Variants in MINDY2 observed in about 807,000 individuals in gnomAD.
The protein encoded by MINDY2 is MINDY lysine 48 deubiquitinase 2, also known as ubiquitin carboxyl-terminal hydrolase MINDY-2.
MINDY2 carries 52 observed loss-of-function variants against 68.2 expected under a neutral mutation model. The observed-to-expected ratio is 0.76, with a 90% CI of 0.61 to 0.96. MINDY2 has a LOEUF of 0.96. Ranked by LOEUF, MINDY2 falls within the 40% of genes least tolerant of loss-of-function variation. The probability of loss-of-function intolerance (pLI) is 0.00; values close to 1 mark genes in which losing one functional copy is unlikely to be tolerated. For missense variants in MINDY2, 881 were observed against 773.4 expected (o/e 1.14, Z -1.65); for synonymous variants, 372 against 303.0 (o/e 1.23, Z -2.36).
chr15:58,856,571 A>G lies in MINDY2; in HGVS notation c.*1961A>G, dbSNP rs2033067816. The G allele has an allele frequency of 6.6e-6, 1 of 152,256 alleles. No individual in the cohort carries two copies. Among genetic ancestry groups the G allele is most frequent in the South Asian group, 2.1e-4 (1 of 4,838 alleles). 9.4% of individuals were successfully genotyped at this position (152,256 alleles called of 1,614,324 possible). A position where few individuals can be genotyped will look rare whatever the true frequency, so the allele number is the denominator to read the frequency against. ...ATAAAACTCTGATAGAAAATATTTA[A>G]TGAGTATCTTGATTATAACCTAGAA... On this transcript the variant is annotated 3_prime_UTR_variant, in exon 9 of 9. Transcript: ENST00000559228.
At chr15:58,783,544 A>G (rs1239519060) in intron 1 of MINDY2, among the ~76,000 whole-genome samples, 2 of 152,150 alleles carry the variant, frequency 1.3e-5, no homozygotes, top group Non-Finnish European at 1.5e-5. Flanking sequence ...CCTGTTTAAG[A>G]TTTCACTTAC....
Position 58,857,558 on chromosome 15 carries a change from A to C in MINDY2, c.*2948A>C, listed in dbSNP as rs62004764. ...CAAAAAAAAAAAAAAAAAAAAAATT[A>C]GAGCTATTGTGTCTTTATTTTCTTA... On this transcript the variant is annotated 3_prime_UTR_variant, in exon 9 of 9. Transcript: ENST00000559228. The C allele has an allele frequency of 3.4e-5, 5 of 146,660 alleles. No homozygotes were observed. Among genetic ancestry groups the C allele is most frequent in the African/African-American group, 1.2e-4 (5 of 40,122 alleles). The allele number at this position is 146,660 out of a possible 1,614,324, so 9.1% of individuals were successfully genotyped here. A position where few individuals can be genotyped will look rare whatever the true frequency, so the allele number is the denominator to read the frequency against.
intron 7 of MINDY2, among the ~76,000 whole-genome samples, chr15:58,849,995 C>G (rs975316146): frequency 1.3e-5 from 2 of 152,184 alleles, no homozygotes; most frequent in African/African-American, 2.4e-5. Context: ...CCTTGGCCCC[C>G]TAAAGTGCTG....
intron 5 of MINDY2, among the ~76,000 whole-genome samples, chr15:58,826,378 C>T (rs976142591): frequency 9.9e-5 from 15 of 151,942 alleles, no homozygotes; most frequent in East Asian, 5.8e-4. Flanking sequence ...CACAGGCATG[C>T]GCCACCACAC....
At chr15:58,836,143 C>A (rs2141030240) in intron 6 of MINDY2, among the ~76,000 whole-genome samples, 1 of 152,222 alleles carries the variant, frequency 6.6e-6, no homozygotes, top group East Asian at 1.9e-4. Context: ...ATCTCCTGAT[C>A]TCGTGATCTG....
At chr15:58,849,753 A>G (rs1026179529) in intron 7 of MINDY2, among the ~76,000 whole-genome samples, 3 of 151,958 alleles carry the variant, frequency 2.0e-5, no homozygotes, top group Admixed American at 6.6e-5. Context: ...AACCTTTTTT[A>G]TTTTTTGAGA....
At chr15:58,845,305 C>G (rs534802656) in intron 6 of MINDY2, among the ~76,000 whole-genome samples, 3 of 152,176 alleles carry the variant, frequency 2.0e-5, no homozygotes, top group Non-Finnish European at 4.4e-5. Flanking sequence ...ACTCAGGAGC[C>G]TGAGACAGGA....
chr15:58,827,110 A>G (rs2031447036), intron 5 of MINDY2, among the ~76,000 whole-genome samples: 1 of 152,234 alleles, frequency 6.6e-6, no homozygotes, highest in Admixed American at 6.5e-5. Flanking sequence ...TTCCCAGTGC[A>G]TCAAATCGGG....
chr15:58,809,937 G>C (rs2140973277), intron 3 of MINDY2, among the ~76,000 whole-genome samples: 1 of 152,150 alleles, frequency 6.6e-6, no homozygotes, highest in East Asian at 1.9e-4. Context: ...ATGCCACCAT[G>C]CCCAGCTAAT....
intron 1 of MINDY2, among the ~76,000 whole-genome samples, chr15:58,787,496 G>A (rs946797990): frequency 1.3e-5 from 2 of 151,888 alleles, no homozygotes; most frequent in Non-Finnish European, 1.5e-5. Flanking sequence ...CCAGCACTTT[G>A]GGAGGCCGAG....
chr15:58,808,029 C>T (rs2029933927), intron 3 of MINDY2, among the ~76,000 whole-genome samples: 1 of 151,946 alleles, frequency 6.6e-6, no homozygotes, highest in Non-Finnish European at 1.5e-5. Flanking sequence ...CCCCTCCCTC[C>T]CTCTCTCCCT....
Position 58,771,970 on chromosome 15 carries a change from A to C in MINDY2, c.575A>C (p.Asn192Thr). 1 of 1,573,428 alleles carries C rather than the reference A, an allele frequency of 6.4e-7. No individual in the cohort carries two copies. Among genetic ancestry groups the C allele is most frequent in the Non-Finnish European group, 8.6e-7 (1 of 1,161,896 alleles). ...LHSFPSSCEFNSEEGAENRVP... is the reference protein window; with the variant it reads ...LHSFPSSCEFTSEEGAENRVP... ...TCTTTTCCCAGTAGCTGCGAGTTCA[A>C]TAGTGAGGAGGGAGCGGAGAACAGG... The change falls in exon 1 of 9, where the codon AAT (asparagine) becomes ACT (threonine). Residue 192 changes from asparagine to threonine, a missense_variant. Asn to Thr is a moderately conservative substitution (Grantham distance 65). Coordinates refer to ENST00000559228, the MANE Select transcript of MINDY2 (RefSeq NM_001040450.3).
chr15:58,827,152 G>C (rs1286003546), intron 5 of MINDY2, among the ~76,000 whole-genome samples: 1 of 152,108 alleles, frequency 6.6e-6, no homozygotes, highest in Non-Finnish European at 1.5e-5. Context: ...CATTATTGGT[G>C]ATGTTCAAAT....
chr15:58,814,272 G>C (rs2140983259), intron 4 of MINDY2, among the ~76,000 whole-genome samples: 1 of 152,252 alleles, frequency 6.6e-6, no homozygotes, highest in South Asian at 2.1e-4. Context: ...TAATGATGCT[G>C]AACATCTTTT....
At chr15:58,814,850 C>A (rs772986384) in intron 4 of MINDY2, among the ~76,000 whole-genome samples, 18 of 149,350 alleles carry the variant, frequency 1.2e-4, no homozygotes, top group Non-Finnish European at 1.6e-4. Context: ...GCTTGAACTC[C>A]CAGGCTGGTC....
chr15:58,813,106 C>G (rs1183656168), intron 4 of MINDY2, among the ~76,000 whole-genome samples: 2 of 152,164 alleles, frequency 1.3e-5, no homozygotes, highest in Non-Finnish European at 2.9e-5. Context: ...AAGCATCATC[C>G]AGATTGTTGC....
rs57998049 is a variant in MINDY2, at chr15:58,791,215, TTATATATATATATATATATATATATATA to T, written c.898+3266_898+3293del. ...AAAGGGAGCCATCAGGAAAGCAATT[TTATATATATATATATATATATATATATA>T]TATATATATATATCTTGAGTTCAGA... On this transcript the variant is annotated intron_variant, in intron 2 of 8. Coordinates refer to ENST00000559228, the MANE Select transcript of MINDY2 (RefSeq NM_001040450.3). Among the ~76,000 whole-genome samples, 28 of 79,612 alleles carry T rather than the reference TTATATATATATATATATATATATATATA, an allele frequency of 3.5e-4. 1 individual carries two copies. Among genetic ancestry groups the T allele is most frequent in the Non-Finnish European group, 7.6e-4 (24 of 31,554 alleles). 52.2% of individuals were successfully genotyped at this position (79,612 alleles called of 152,430 possible).
chr15:58,791,208 A>G (rs1206388695), intron 2 of MINDY2, among the ~76,000 whole-genome samples: 6 of 78,052 alleles, frequency 7.7e-5, no homozygotes, highest in Middle Eastern at 0.011. Context: ...CCATCAGGAA[A>G]GCAATTTTAT....
At chr15:58,844,200 A>G (rs2032413571) in intron 6 of MINDY2, among the ~76,000 whole-genome samples, 1 of 152,202 alleles carries the variant, frequency 6.6e-6, no homozygotes, top group Admixed American at 6.6e-5. Context: ...TACTATAGTC[A>G]TAGATATTTT....
Sources: allele counts gnomAD v4.1 joint callset (sites outside exome capture counted in the v4.1 genomes callset), GRCh38; gene constraint gnomAD v4.1.1; transcripts MANE v1.5; gene names NCBI Gene and HGNC (gene_info 2026-07-23, HGNC 2026-07-21).